Variants in IL3 observed in about 807,000 individuals in gnomAD.
The protein encoded by IL3 is interleukin-3.
In IL3, 15 loss-of-function variants were observed where a neutral mutation model predicts 15.4. That is an observed-to-expected ratio of 0.97 (90% CI 0.65 to 1.50). The LOEUF (loss-of-function observed/expected upper bound fraction) is 1.50, where lower values mean the gene tolerates loss of function less well. IL3 is among the 40% of genes most tolerant of loss of function. The pLI, the probability that IL3 is intolerant of heterozygous loss-of-function variation, is 0.00. For synonymous variants in IL3, 74 were observed against 79.3 expected (o/e 0.93, Z 0.36); for missense variants, 162 against 192.2 (o/e 0.84, Z 0.93).
At chr5:132,061,173 G>C (rs553885895) in intron 2 of IL3, among the ~76,000 whole-genome samples, 165 bp downstream of exon 2, 15 of 152,222 alleles carry the variant, frequency 9.9e-5, no homozygotes, top group Admixed American at 2.6e-4. Flanking sequence ...TGCATGTTCT[G>C]GCCCAGCATC....
chr5:132,061,080 C>T (rs1756469617), intron 2 of IL3, 72 bp downstream of exon 2: 2 of 1,393,420 alleles, frequency 1.4e-6, no homozygotes, highest in Non-Finnish European at 2.0e-6. Flanking sequence ...TCCATCTTAC[C>T]TAGCCTTGCT....
At position 132,060,951 on chromosome 5, in the gene IL3, C is replaced by T. The variant is rs765368161; in HGVS notation, c.163-16C>T. 8.7e-6 allele frequency: 14 copies of T among 1,614,108 alleles called. No homozygotes were observed. Among genetic ancestry groups the T allele is most frequent in the Non-Finnish European group, 1.2e-5 (14 of 1,179,924 alleles). ...CAAAAGGCCTCATGGGCCTTTCTCTCCCTTCACCCCCACAGGACTTCAACA... is the reference window on the plus strand; with the variant it reads ...CAAAAGGCCTCATGGGCCTTTCTCTTCCTTCACCCCCACAGGACTTCAACA... On this transcript the variant is annotated splice_polypyrimidine_tract_variant and intron_variant, in intron 1 of 4. Transcript: ENST00000296870.
chr5:132,061,124 A>G (rs533265654), intron 2 of IL3, 116 bp downstream of exon 2: 1 of 867,608 alleles, frequency 1.2e-6, no homozygotes, highest in Admixed American at 2.2e-5. Context: ...AATAGCACCT[A>G]TCTCAGTGGG....
At chr5:132,062,190 A>T in intron 2 of IL3, 122 bp from the exon 3 acceptor site, 1 of 811,342 alleles carries the variant, frequency 1.2e-6, no homozygotes. Flanking sequence ...GAACGGGACT[A>T]GGAGGGAACC....
chr5:132,060,956 C>T lies in IL3; in HGVS notation c.163-11C>T, dbSNP rs752986904. ...GGCCTCATGGGCCTTTCTCTCCCTTCACCCCCACAGGACTTCAACAACCTC... is the reference window on the plus strand; with the variant it reads ...GGCCTCATGGGCCTTTCTCTCCCTTTACCCCCACAGGACTTCAACAACCTC... On this transcript the variant is annotated splice_polypyrimidine_tract_variant and intron_variant, in intron 1 of 4. Coordinates refer to ENST00000296870, the MANE Select transcript of IL3 (RefSeq NM_000588.4). 20 of 1,614,028 alleles carry T rather than the reference C, an allele frequency of 1.2e-5. No homozygotes were observed. Among genetic ancestry groups the T allele is most frequent in the African/African-American group, 2.7e-5 (2 of 74,950 alleles).
Position 132,060,662 on chromosome 5 carries a change from C to CT in IL3, c.-45_-44insT. Reference sequence around the variant, plus strand: ...GGCTGTTGCCAACTCTTCAGAGCCCCACGAAGGACCAGAACAAGACAGAGT... The same window carrying CT: ...GGCTGTTGCCAACTCTTCAGAGCCCCTACGAAGGACCAGAACAAGACAGAGT... On this transcript the variant is annotated 5_prime_UTR_variant, in exon 1 of 5. Transcript: ENST00000296870. 6.2e-7 allele frequency: 1 copy of CT among 1,607,472 alleles called. No individual in the cohort carries two copies. The highest frequency in any genetic ancestry group is 1.1e-5 in the South Asian group (1 of 90,758).
Position 132,062,902 on chromosome 5 carries a change from A to T in IL3, c.*111A>T. 7.2e-7 allele frequency: 1 copy of T among 1,384,806 alleles called. No homozygotes were observed. The highest frequency in any genetic ancestry group is 9.7e-7 in the Non-Finnish European group (1 of 1,030,724). The allele number at this position is 1,384,806 out of a possible 1,614,324, so 85.8% of individuals were successfully genotyped here. Reference sequence around the variant, plus strand: ...CATCTCTCACACATTCCAGGACCAGAAGCATTTCACCTTTTCCTGCGGCAT... The same window carrying T: ...CATCTCTCACACATTCCAGGACCAGTAGCATTTCACCTTTTCCTGCGGCAT... On this transcript the variant is annotated 3_prime_UTR_variant, in exon 5 of 5. Transcript: ENST00000296870.
In IL3 at chr5:132,062,401, A is replaced by C; in HGVS notation, c.294A>C (p.Lys98Asn). ...QNASAIESIL[K>N]NLLPCLPLAT... ...CATCAGCAATTGAGAGCATTCTTAAAGTATGTGAAGCTGTTGAGGGTTTGG... is the reference window on the plus strand; with the variant it reads ...CATCAGCAATTGAGAGCATTCTTAACGTATGTGAAGCTGTTGAGGGTTTGG... The change falls in exon 3 of 5, where the codon AAA becomes AAC. Residue 98 changes from lysine (K) to asparagine (N), a missense_variant and splice_region_variant. Physicochemically the swap from Lys to Asn is moderately conservative, Grantham distance 94 (BLOSUM62 0). Coordinates refer to ENST00000296870, the MANE Select transcript of IL3 (RefSeq NM_000588.4). 1 of 1,613,916 alleles carries C rather than the reference A, an allele frequency of 6.2e-7. No homozygotes were observed. The highest frequency in any genetic ancestry group is 8.5e-7 in the Non-Finnish European group (1 of 1,179,758).
At chr5:132,062,620 C>A in intron 4 of IL3, 49 bp from the exon 5 acceptor site, 1 of 1,612,888 alleles carries the variant, frequency 6.2e-7, no homozygotes, top group South Asian at 1.1e-5. Flanking sequence ...CTGGTCATCA[C>A]CATTACAGCC....
In IL3 at chr5:132,063,075, A is replaced by G. The variant is rs983161366; in HGVS notation, c.*284A>G. 12 of 311,800 alleles carry G rather than the reference A, an allele frequency of 3.8e-5. No individual in the cohort carries two copies. The highest frequency in any genetic ancestry group is 2.1e-4 in the African/African-American group (10 of 46,736). The allele number at this position is 311,800 out of a possible 1,614,324, so 19.3% of individuals were successfully genotyped here. On this transcript the variant is annotated 3_prime_UTR_variant, in exon 5 of 5. Coordinates refer to ENST00000296870, the MANE Select transcript of IL3 (RefSeq NM_000588.4). Reference sequence around the variant, plus strand: ...ATTGCCTGGAGTGTGAACTGTATTTATTTTAGCAGAGGAGCCATGTCCTGC... The same window carrying G: ...ATTGCCTGGAGTGTGAACTGTATTTGTTTTAGCAGAGGAGCCATGTCCTGC...
rs758963274 is a variant in IL3, at chr5:132,062,742, T to G, written c.410T>G (p.Leu137Arg). 11 of 1,614,110 alleles carry G rather than the reference T, an allele frequency of 6.8e-6. No individual in the cohort carries two copies. Among genetic ancestry groups the G allele is most frequent in the Non-Finnish European group, 9.3e-6 (11 of 1,180,052 alleles). Residue 137 changes from leucine (L) to arginine (R), a missense_variant, in exon 5 of 5, where the codon CTT (leucine) becomes CGT (arginine). Coordinates refer to ENST00000296870, the MANE Select transcript of IL3 (RefSeq NM_000588.4). ...RRKLTFYLKT[L>R]ENAQAQQTTL... ...AAACTGACGTTCTATCTGAAAACCC[T>G]TGAGAATGCGCAGGCTCAACAGACG...
In IL3 at chr5:132,062,833, G is replaced by T; in HGVS notation, c.*42G>T. 2 of 1,582,050 alleles carry T rather than the reference G, an allele frequency of 1.3e-6. No homozygotes were observed. The highest frequency in any genetic ancestry group is 1.7e-6 in the Non-Finnish European group (2 of 1,163,036). ...GTTCTCTGGGCCTTCTCACCACAGAGCCTCGGGACATCAAAAACAGCAGAA... is the reference window on the plus strand; with the variant it reads ...GTTCTCTGGGCCTTCTCACCACAGATCCTCGGGACATCAAAAACAGCAGAA... On this transcript the variant is annotated 3_prime_UTR_variant, in exon 5 of 5. Transcript: ENST00000296870.
At position 132,060,744 on chromosome 5, in the gene IL3, T is replaced by C; in HGVS notation, c.38T>C (p.Leu13Pro). Residue 13 changes from leucine (L) to proline (P), a missense_variant, in exon 1 of 5, where the codon CTG (leucine) becomes CCG (proline). Coordinates refer to ENST00000296870, the MANE Select transcript of IL3 (RefSeq NM_000588.4). ...RLPVLLLLQLLVRPGLQAPMT... is the reference protein window; with the variant it reads ...RLPVLLLLQLPVRPGLQAPMT... The stretch of plus-strand genomic sequence containing the variant: ...CCCGTCCTGCTCCTGCTCCAACTCC[T>C]GGTCCGCCCCGGACTCCAAGCTCCC... 6.2e-7 allele frequency: 1 copy of C among 1,613,834 alleles called. No homozygotes were observed. The highest frequency in any genetic ancestry group is 8.5e-7 in the Non-Finnish European group (1 of 1,180,008).
rs1311864156 is a variant in IL3 at position 132,060,756 on chromosome 5, G to A, written c.50G>A (p.Gly17Glu). 2.5e-6 allele frequency: 4 copies of A among 1,613,880 alleles called. No individual in the cohort carries two copies. Among genetic ancestry groups the A allele is most frequent in the Admixed American group, 3.3e-5 (2 of 60,008 alleles). Residue 17 changes from glycine to glutamate, a missense_variant, in exon 1 of 5, where the codon GGA becomes GAA. Coordinates refer to ENST00000296870, the MANE Select transcript of IL3 (RefSeq NM_000588.4). ...CTGCTCCAACTCCTGGTCCGCCCCG[G>A]ACTCCAAGCTCCCATGACCCAGACA... ...LLLLQLLVRP[G>E]LQAPMTQTTP...
rs1756492828 is a variant in IL3, at chr5:132,062,259, G to T, written c.205-53G>T. On this transcript the variant is annotated intron_variant, in intron 2 of 4. Transcript: ENST00000296870. ...GTGGGGGTGACTTCCACCTGCTTGT[G>T]GGAGGGATACTCTGTAACCTTTCCC... is the stretch of plus-strand genomic sequence containing the variant. 2.9e-6 allele frequency: 4 copies of T among 1,397,030 alleles called. No individual in the cohort carries two copies. In the African/African-American group the frequency reaches 4.2e-5, roughly 15 times the overall value. 86.5% of individuals were successfully genotyped at this position (1,397,030 alleles called of 1,614,324 possible). A position where few individuals can be genotyped will look rare whatever the true frequency, so the allele number is the denominator to read the frequency against.
In IL3 at chr5:132,062,369, CAGAACGCATCAG is replaced by C; in HGVS notation, c.263_274del (p.Gln88_Ala92delinsPro). 6.2e-7 allele frequency: 1 copy of C among 1,614,132 alleles called. No individual in the cohort carries two copies. Among genetic ancestry groups the C allele is most frequent in the Non-Finnish European group, 8.5e-7 (1 of 1,179,958 alleles). ...ATTCAACAGGGCTGTCAAGAGTTTACAGAACGCATCAGCAATTGAGAGCATTCTTAAAGTATG... is the reference window on the plus strand; with the variant it reads ...ATTCAACAGGGCTGTCAAGAGTTTACCAATTGAGAGCATTCTTAAAGTATG... On this transcript the variant is annotated inframe_deletion, in exon 3 of 5. Transcript: ENST00000296870.
rs759026509 is a variant in IL3 at position 132,062,317 on chromosome 5, TA to T, written c.212del (p.Asn71ThrfsTer60). ...TGTATTCTCTGCCCCGTTAGGAAAA[TA>T]ACCTTCGAAGGCCAAACCTGGAGGC... ...GEDQDILMEN[N>X]LRRPNLEAFN... On this transcript the variant is annotated frameshift_variant, in exon 3 of 5. Coordinates refer to ENST00000296870, the MANE Select transcript of IL3 (RefSeq NM_000588.4). LOFTEE classifies it high-confidence loss of function. 2 of 1,613,268 alleles carry T rather than the reference TA, an allele frequency of 1.2e-6. No individual in the cohort carries two copies. The highest frequency in any genetic ancestry group is 2.2e-5 in the South Asian group (2 of 91,056).
In IL3 at chr5:132,062,905, C is replaced by G; in HGVS notation, c.*114C>G. 2.2e-6 allele frequency: 3 copies of G among 1,353,278 alleles called. No homozygotes were observed. In the East Asian group the frequency reaches 7.1e-5, roughly 32 times the overall value. The allele number at this position is 1,353,278 out of a possible 1,614,324, so 83.8% of individuals were successfully genotyped here. A position where few individuals can be genotyped will look rare whatever the true frequency, so the allele number is the denominator to read the frequency against. Reference sequence around the variant, plus strand: ...CTCTCACACATTCCAGGACCAGAAGCATTTCACCTTTTCCTGCGGCATCAG... The same window carrying G: ...CTCTCACACATTCCAGGACCAGAAGGATTTCACCTTTTCCTGCGGCATCAG... On this transcript the variant is annotated 3_prime_UTR_variant, in exon 5 of 5. Transcript: ENST00000296870.
rs772664503 is a variant in IL3, at chr5:132,060,714, G to C, written c.8G>C (p.Arg3Pro). 1 of 1,613,016 alleles carries C rather than the reference G, an allele frequency of 6.2e-7. No homozygotes were observed. Among genetic ancestry groups the C allele is most frequent in the South Asian group, 1.1e-5 (1 of 91,040 alleles). Residue 3 changes from arginine (R) to proline (P), a missense_variant, in exon 1 of 5, where the codon CGC (arginine) becomes CCC (proline). Coordinates refer to ENST00000296870, the MANE Select transcript of IL3 (RefSeq NM_000588.4). ...CCTCCTGCCGATCCAAACATGAGCCGCCTGCCCGTCCTGCTCCTGCTCCAA... is the reference window on the plus strand; with the variant it reads ...CCTCCTGCCGATCCAAACATGAGCCCCCTGCCCGTCCTGCTCCTGCTCCAA... MS[R>P]LPVLLLLQLL...
Sources: gnomAD v4.1 joint callset for allele counts (sites outside exome capture counted in the v4.1 genomes callset) on GRCh38, gnomAD v4.1.1 for gene constraint, MANE v1.5 for transcripts, NCBI Gene and HGNC (gene_info 2026-07-23, HGNC 2026-07-21) for gene names.